Variants in LRRN3 observed in about 807,000 individuals in gnomAD.
The protein encoded by LRRN3 is leucine-rich repeat neuronal protein 3.
LRRN3 carries 15 observed loss-of-function variants against 40.1 expected under a neutral mutation model. That is an observed-to-expected ratio of 0.37 (90% confidence interval 0.25 to 0.58). LRRN3 has a LOEUF of 0.58. LRRN3 is among the 20% of genes least tolerant of loss of function. The pLI is 0.72. For missense variants in LRRN3, 746 were observed against 837.7 expected, an observed-to-expected ratio of 0.89 and a Z score of 1.35; for synonymous variants, 308 against 297.2, an observed-to-expected ratio of 1.04 and a Z score of -0.37.
At chr7:111,097,119 C>T (rs1291591681) in intron 1 of LRRN3, 1 of 151,828 alleles carries the variant, frequency 6.6e-6, no homozygotes, top group African/African-American at 2.4e-5. Context: ...AAAAGGCCCA[C>T]TGAATCAGTT....
intron 2 of LRRN3, among the ~76,000 whole-genome samples, chr7:111,120,278 T>C (rs1800433882): frequency 6.6e-6 from 1 of 152,154 alleles, no homozygotes; most frequent in Non-Finnish European, 1.5e-5. Flanking sequence ...AGAGATTTAA[T>C]GGACTCACAG....
chr7:111,112,111 C>G (rs1030931883), intron 2 of LRRN3, among the ~76,000 whole-genome samples: 1 of 151,442 alleles, frequency 6.6e-6, no homozygotes, highest in Non-Finnish European at 1.5e-5. Flanking sequence ...CCACACCCGG[C>G]TAATTTTTGT....
At chr7:111,114,671 G>C (rs1189098459) in intron 2 of LRRN3, among the ~76,000 whole-genome samples, 1 of 151,134 alleles carries the variant, frequency 6.6e-6, no homozygotes, top group Non-Finnish European at 1.5e-5. Context: ...AGGAGGTGGA[G>C]GGTGCAGTGA....
intron 2 of LRRN3, among the ~76,000 whole-genome samples, chr7:111,104,302 G>A (rs1043956159): frequency 6.6e-6 from 1 of 151,656 alleles, no homozygotes; most frequent in Non-Finnish European, 1.5e-5. Flanking sequence ...CCAATTTCCT[G>A]TAAATGTTTA....
At chr7:111,102,687 C>T (rs1325268091) in intron 2 of LRRN3, among the ~76,000 whole-genome samples, 1 of 151,310 alleles carries the variant, frequency 6.6e-6, no homozygotes, top group African/African-American at 2.4e-5. Context: ...AGTTTCATAC[C>T]TATCTAAAAA....
At chr7:111,112,280 T>A (rs1404560458) in intron 2 of LRRN3, among the ~76,000 whole-genome samples, 1 of 152,054 alleles carries the variant, frequency 6.6e-6, no homozygotes, top group Non-Finnish European at 1.5e-5. Flanking sequence ...ATGAAAAACT[T>A]TAACCTGCAT....
chr7:111,120,522 A>G (rs971961873), intron 2 of LRRN3, among the ~76,000 whole-genome samples: 3 of 152,188 alleles, frequency 2.0e-5, no homozygotes, highest in African/African-American at 7.2e-5. Flanking sequence ...CTACAATTCA[A>G]GATGAGATTT....
At chr7:111,108,927 T>C (rs1052224226) in intron 2 of LRRN3, among the ~76,000 whole-genome samples, 2 of 152,196 alleles carry the variant, frequency 1.3e-5, no homozygotes, top group African/African-American at 2.4e-5. Context: ...GGCAATATTC[T>C]AGCTAGGCAT....
In LRRN3 at chr7:111,122,695, A is replaced by G. The variant is rs934414885; in HGVS notation, c.-78A>G. On this transcript the variant is annotated 5_prime_UTR_variant, in exon 3 of 3. Coordinates refer to ENST00000308478, the MANE Select transcript of LRRN3 (RefSeq NM_001099658.2). ...ACAAATGCAAGCATCTTCCTTATCAATCAGCTCCTATTGAACTTACTAGCA... is the reference window on the plus strand; with the variant it reads ...ACAAATGCAAGCATCTTCCTTATCAGTCAGCTCCTATTGAACTTACTAGCA... 5.4e-6 allele frequency: 6 copies of G among 1,101,630 alleles called. No homozygotes were observed. Among genetic ancestry groups the G allele is most frequent in the East Asian group, 4.8e-5 (2 of 41,958 alleles). The allele number at this position is 1,101,630 out of a possible 1,614,324, so 68.2% of individuals were successfully genotyped here.
intron 1 of LRRN3, among the ~76,000 whole-genome samples, chr7:111,095,264 G>A (rs192379778): frequency 1.3e-5 from 2 of 151,982 alleles, no homozygotes; most frequent in East Asian, 1.9e-4. Flanking sequence ...GTTTGAAATC[G>A]TTATAATGTA....
At chr7:111,116,301 T>C (rs796268810) in intron 2 of LRRN3, among the ~76,000 whole-genome samples, 31 of 152,194 alleles carry the variant, frequency 2.0e-4, no homozygotes, top group African/African-American at 7.5e-4. Context: ...TAAAATAAAA[T>C]TGCCCCTCCT....
At chr7:111,112,519 C>T (rs1272285961) in intron 2 of LRRN3, among the ~76,000 whole-genome samples, 1 of 152,146 alleles carries the variant, frequency 6.6e-6, no homozygotes, top group African/African-American at 2.4e-5. Flanking sequence ...ATATGGCCTC[C>T]ATGTCTTGGT....
Position 111,124,011 on chromosome 7 carries a change from G to T in LRRN3, c.1239G>T (p.Arg413Ser). The change falls in exon 3 of 3, where the codon AGG (arginine) becomes AGT (serine). Residue 413 changes from arginine (R) to serine (S), a missense_variant. Physicochemically the swap from Arg to Ser is moderately radical, Grantham distance 110. Coordinates refer to ENST00000308478, the MANE Select transcript of LRRN3 (RefSeq NM_001099658.2). The part of the protein sequence containing the change: ...QGQNVRQVHF[R>S]DMMEICLPLI... ...AGAATGTTCGGCAAGTGCATTTCAG[G>T]GACATGATGGAAATTTGTCTCCCTC... 1 of 1,614,014 alleles carries T rather than the reference G, an allele frequency of 6.2e-7. No individual in the cohort carries two copies. Among genetic ancestry groups the T allele is most frequent in the Non-Finnish European group, 8.5e-7 (1 of 1,179,966 alleles).
At chr7:111,121,601 G>A (rs1472714886) in intron 2 of LRRN3, among the ~76,000 whole-genome samples, 1 of 152,162 alleles carries the variant, frequency 6.6e-6, no homozygotes, top group African/African-American at 2.4e-5. Flanking sequence ...AGAGGATGTG[G>A]AGAAATAGGA....
intron 1 of LRRN3, among the ~76,000 whole-genome samples, chr7:111,098,059 A>G (rs1042779850): frequency 6.6e-6 from 1 of 151,852 alleles, no homozygotes; most frequent in Non-Finnish European, 1.5e-5. Flanking sequence ...GGTGACTGCC[A>G]TATATGAAAG....
rs901039139 is a variant in LRRN3, at chr7:111,096,818, C to T, written c.-440-3063C>T. On this transcript the variant is annotated intron_variant, in intron 1 of 2. Coordinates refer to ENST00000308478, the MANE Select transcript of LRRN3 (RefSeq NM_001099658.2). ...TTTGTCTTGGGTTGAAAATGACACA[C>T]TAAATAAGATAAAAATACTAGTTAA... Among the ~76,000 whole-genome samples the T allele has an allele frequency of 6.6e-5, 10 of 151,954 alleles. No homozygotes were observed. The East Asian group carries it at 1.9e-3, about 29-fold the overall frequency.
In LRRN3 at chr7:111,122,367, T is replaced by A. The variant is rs1399464099; in HGVS notation, c.-358-48T>A. On this transcript the variant is annotated intron_variant, in intron 2 of 2. Transcript: ENST00000308478. ...CAATTATGGTATTTTTCATTTGTAC[T>A]AATTATTGTTCTCTTTTTTCTTTCA... The A allele has an allele frequency of 5.7e-5, 9 of 157,010 alleles. No individual in the cohort carries two copies. The Admixed American group carries it at 5.8e-4, about 10-fold the overall frequency. 9.7% of individuals were successfully genotyped at this position (157,010 alleles called of 1,614,324 possible). A position where few individuals can be genotyped will look rare whatever the true frequency, so the allele number is the denominator to read the frequency against.
chr7:111,096,505 A>AT (rs1797409429), intron 1 of LRRN3, among the ~76,000 whole-genome samples: 1 of 43,420 alleles, frequency 2.3e-5, no homozygotes, highest in Admixed American at 2.7e-4. Context: ...CCTGAGTTAA[A>AT]TTTAAAAAAA....
intron 1 of LRRN3, among the ~76,000 whole-genome samples, chr7:111,092,842 A>G (rs1291420595): frequency 6.6e-6 from 1 of 152,122 alleles, no homozygotes; most frequent in Non-Finnish European, 1.5e-5. Context: ...TAGCATTTGT[A>G]TTTCATCTTC....
Sources: gnomAD v4.1 joint callset for allele counts (sites outside exome capture counted in the v4.1 genomes callset) on GRCh38, gnomAD v4.1.1 for gene constraint, MANE v1.5 for transcripts, NCBI Gene and HGNC (gene_info 2026-07-23, HGNC 2026-07-21) for gene names.